Variants in AGBL4 observed in about 807,000 individuals in gnomAD.
AGBL4 encodes the protein cytosolic carboxypeptidase 6.
In AGBL4, 58 loss-of-function variants were observed where a neutral mutation model predicts 66.4. That is an observed-to-expected ratio of 0.87 (90% CI 0.71 to 1.09). AGBL4 has a LOEUF of 1.09. Among genes scored for constraint, AGBL4 ranks in the 50% least tolerant of loss-of-function variants. AGBL4 has a pLI of 0.00. For synonymous variants in AGBL4, 234 were observed against 222.9 expected (o/e 1.05, Z -0.44); for missense variants, 579 against 631.0 (o/e 0.92, Z 0.88).
At chr1:49,466,273 C>A (rs1646629170) in intron 3 of AGBL4, among the ~76,000 whole-genome samples, 1 of 151,830 alleles carries the variant, frequency 6.6e-6, no homozygotes, top group Non-Finnish European at 1.5e-5. Context: ...TAAGCTACTA[C>A]CATTCATAGG....
At chr1:49,716,360 T>C (rs530827062) in intron 2 of AGBL4, among the ~76,000 whole-genome samples, 4 of 152,130 alleles carry the variant, frequency 2.6e-5, no homozygotes, top group Non-Finnish European at 5.9e-5. Flanking sequence ...TGTAGCCTTG[T>C]AGTATAGTTT....
intron 3 of AGBL4, chr1:49,268,077 A>T (rs1439628189): frequency 1.3e-5 from 2 of 152,156 alleles, no homozygotes; most frequent in Non-Finnish European, 2.9e-5. Flanking sequence ...TTATTTATTA[A>T]ACAGGTTCTC....
At chr1:49,289,690 TA>T (rs1644497468) in intron 3 of AGBL4, among the ~76,000 whole-genome samples, 1 of 152,136 alleles carries the variant, frequency 6.6e-6, no homozygotes, top group African/African-American at 2.4e-5. Context: ...ATACAACATT[TA>T]AAAACATGTA....
At chr1:49,225,621 A>G (rs1403545746) in intron 4 of AGBL4, among the ~76,000 whole-genome samples, 2 of 152,202 alleles carry the variant, frequency 1.3e-5, no homozygotes, top group East Asian at 1.9e-4. Flanking sequence ...GCTTTGGTAC[A>G]TTATTCTTAC....
chr1:49,556,507 T>C (rs1417947944), intron 3 of AGBL4, among the ~76,000 whole-genome samples: 1 of 100,930 alleles, frequency 9.9e-6, no homozygotes, highest in African/African-American at 4.3e-5. Context: ...TAAAGTATAA[T>C]AAAAAAAATT....
At chr1:48,881,848 A>G (rs187305374) in intron 5 of AGBL4, among the ~76,000 whole-genome samples, 1 of 152,106 alleles carries the variant, frequency 6.6e-6, no homozygotes, top group South Asian at 2.1e-4. Flanking sequence ...CCCAGGACCT[A>G]CTCTACTTAG....
chr1:50,006,653 T>C (rs1374560808), intron 1 of AGBL4, among the ~76,000 whole-genome samples: 3 of 146,740 alleles, frequency 2.0e-5, no homozygotes, highest in Non-Finnish European at 4.5e-5. Context: ...AAGCATGACA[T>C]ATTTAAAGTG....
At chr1:49,426,960 C>T (rs1645673508) in intron 3 of AGBL4, among the ~76,000 whole-genome samples, 2 of 152,140 alleles carry the variant, frequency 1.3e-5, no homozygotes, top group Non-Finnish European at 2.9e-5. Context: ...ATTACATGTC[C>T]TCCTTATACA....
intron 3 of AGBL4, among the ~76,000 whole-genome samples, chr1:49,321,474 C>T (rs906006784): frequency 6.6e-6 from 1 of 152,128 alleles, no homozygotes; most frequent in Non-Finnish European, 1.5e-5. Context: ...TCATACACTG[C>T]CAGTAAGACT....
At chr1:49,666,567 A>C (rs559012061) in intron 3 of AGBL4, among the ~76,000 whole-genome samples, 2 of 151,766 alleles carry the variant, frequency 1.3e-5, no homozygotes, top group South Asian at 4.1e-4. Flanking sequence ...CTCTGTCTCA[A>C]AATAAATAAA....
chr1:49,214,120 G>A (rs533666962), intron 4 of AGBL4, among the ~76,000 whole-genome samples: 1 of 152,234 alleles, frequency 6.6e-6, no homozygotes, highest in East Asian at 1.9e-4. Context: ...CATAAACAGA[G>A]TTAGAACTGT....
chr1:48,929,670 G>A (rs1654878839), intron 5 of AGBL4, among the ~76,000 whole-genome samples: 1 of 152,130 alleles, frequency 6.6e-6, no homozygotes, highest in Non-Finnish European at 1.5e-5. Context: ...CATCTGATAA[G>A]TTGTATAGCA....
chr1:49,651,536 C>A (rs977936495), intron 3 of AGBL4, among the ~76,000 whole-genome samples: 1 of 152,102 alleles, frequency 6.6e-6, no homozygotes, highest in African/African-American at 2.4e-5. Flanking sequence ...GGCTCATATG[C>A]CAAACACATT....
At chr1:48,980,988 C>G (rs1297630148) in intron 5 of AGBL4, among the ~76,000 whole-genome samples, 5 of 151,952 alleles carry the variant, frequency 3.3e-5, no homozygotes, top group Non-Finnish European at 7.4e-5. Context: ...GAGATTAAAT[C>G]TGACCTCTGG....
intron 6 of AGBL4, among the ~76,000 whole-genome samples, chr1:48,747,472 G>A (rs1650951113): frequency 6.6e-6 from 1 of 152,196 alleles, no homozygotes; most frequent in Non-Finnish European, 1.5e-5. Context: ...AAGAGGCACT[G>A]GGGACCCAGA....
chr1:48,524,634 T>TA, the AGBL4 span, among the ~76,000 whole-genome samples: 1 of 152,132 alleles, frequency 6.6e-6, no homozygotes, highest in South Asian at 2.1e-4. Context: ...TGAGTAGATG[T>TA]AAAAAAATCT....
intron 3 of AGBL4, among the ~76,000 whole-genome samples, chr1:49,300,053 A>G (rs1232933793): frequency 6.6e-6 from 1 of 152,224 alleles, no homozygotes; most frequent in African/African-American, 2.4e-5. Context: ...TTATTGAAAG[A>G]TATTGGCATG....
chr1:49,832,669 A>C (rs2148018428), intron 2 of AGBL4, among the ~76,000 whole-genome samples: 1 of 151,076 alleles, frequency 6.6e-6, no homozygotes, highest in Admixed American at 6.6e-5. Flanking sequence ...TTGTTTCCTG[A>C]CTTTTTAATG....
At chr1:49,578,240 T>C (rs1452166345) in intron 3 of AGBL4, among the ~76,000 whole-genome samples, 4 of 152,122 alleles carry the variant, frequency 2.6e-5, no homozygotes, top group South Asian at 2.1e-4. Flanking sequence ...TACTCCACAA[T>C]GGAGGTAAGG....
Sources: gnomAD v4.1 joint callset for allele counts (sites outside exome capture counted in the v4.1 genomes callset) on GRCh38, gnomAD v4.1.1 for gene constraint, MANE v1.5 for transcripts, NCBI Gene and HGNC (gene_info 2026-07-23, HGNC 2026-07-21) for gene names.